Variants in CD5 observed in about 807,000 individuals in gnomAD.
CD5 encodes the protein T-cell surface glycoprotein CD5.
CD5 carries 36 observed loss-of-function variants against 60.3 expected under a neutral mutation model. The observed-to-expected ratio is 0.60, with a 90% CI of 0.46 to 0.79. The LOEUF (loss-of-function observed/expected upper bound fraction) is 0.79, where lower values mean the gene tolerates loss of function less well. CD5 is among the 30% of genes least tolerant of loss of function. The probability of loss-of-function intolerance (pLI) is 0.00; values close to 1 mark genes in which losing one functional copy is unlikely to be tolerated. For synonymous variants in CD5, 230 were observed against 257.6 expected (o/e 0.89, Z 1.03); for missense variants, 540 against 630.6 (o/e 0.86, Z 1.54).
At chr11:61,113,962 G>T (rs1860897538) in intron 1 of CD5, among the ~76,000 whole-genome samples, 1 of 152,204 alleles carries the variant, frequency 6.6e-6, no homozygotes, top group African/African-American at 2.4e-5. Flanking sequence ...GGGCCACCGT[G>T]CCCGGCCCCT....
chr11:61,118,434 C>T lies in CD5; in HGVS notation c.354C>T (p.Ser118=). The T allele has an allele frequency of 1.2e-6, 2 of 1,614,268 alleles. No homozygotes were observed. The highest frequency in any genetic ancestry group is 4.5e-5 in the East Asian group (2 of 44,886). The stretch of plus-strand genomic sequence containing the variant: ...AACTGGGCTCCTTCTCCAACTGCAG[C>T]CACAGCAGAAATGACATGTGTCACT... ...YGQLGSFSNC[S]HSRNDMCHSL... Residue 118 remains serine (S), a synonymous_variant, in exon 3 of 11, where the codon AGC becomes AGT. Coordinates refer to ENST00000347785, the MANE Select transcript of CD5 (RefSeq NM_014207.4). The surrounding 1 kb of genome is among the most constrained non-coding windows in gnomAD (Gnocchi z 4.7).
At chr11:61,123,818 C>CCCCCT in intron 7 of CD5, 66 bp from the exon 8 acceptor site, 1 of 613,786 alleles carries the variant, frequency 1.6e-6, no homozygotes, top group Non-Finnish European at 2.9e-6. Context: ...CCCATCCCCA[C>CCCCCT]CCCTGCCTGC....
At position 61,126,800 on chromosome 11, in the gene CD5, T is replaced by C. The variant is rs900412425; in HGVS notation, c.*515T>C. Reference sequence around the variant, plus strand: ...GACAGGAAGGGGACTCCCGGAGACCTCTGCAGCCGTGGTGGTCAGAGGCTG... The same window carrying C: ...GACAGGAAGGGGACTCCCGGAGACCCCTGCAGCCGTGGTGGTCAGAGGCTG... On this transcript the variant is annotated 3_prime_UTR_variant, in exon 11 of 11. Transcript: ENST00000347785. 1 of 152,242 alleles carries C rather than the reference T, an allele frequency of 6.6e-6. No individual in the cohort carries two copies. Among genetic ancestry groups the C allele is most frequent in the Admixed American group, 6.5e-5 (1 of 15,276 alleles). 9.4% of individuals were successfully genotyped at this position (152,242 alleles called of 1,614,324 possible). A position where few individuals can be genotyped will look rare whatever the true frequency, so the allele number is the denominator to read the frequency against.
chr11:61,123,742 G>A, intron 7 of CD5, 142 bp from the exon 8 acceptor site: 1 of 678,562 alleles, frequency 1.5e-6, no homozygotes, highest in East Asian at 2.7e-5. Flanking sequence ...GAGACTCCAG[G>A]GGGCAGAGCC....
chr11:61,122,756 G>C (rs1373562927), intron 6 of CD5, 151 bp from the exon 7 acceptor site: 7 of 790,056 alleles, frequency 8.9e-6, no homozygotes, highest in South Asian at 4.3e-5. Context: ...TAGATGGAGG[G>C]ATAGCCAAAT....
chr11:61,117,692 T>C lies in CD5; in HGVS notation c.95-483T>C, dbSNP rs540844739. Among the ~76,000 whole-genome samples, 7 of 152,146 alleles carry C rather than the reference T, an allele frequency of 4.6e-5. No homozygotes were observed. The South Asian group carries it at 1.5e-3, about 32-fold the overall frequency. ...TTTTCTTTTTTTAGTAGAGATGGGG[T>C]TTCACCATGTTGGCCAGGCTGGTCT... On this transcript the variant is annotated intron_variant, in intron 2 of 10. Coordinates refer to ENST00000347785, the MANE Select transcript of CD5 (RefSeq NM_014207.4).
chr11:61,123,047 C>T lies in CD5; in HGVS notation c.1225+15C>T, dbSNP rs748167810. 1.9e-6 allele frequency: 3 copies of T among 1,600,076 alleles called. No individual in the cohort carries two copies. Among genetic ancestry groups the T allele is most frequent in the Non-Finnish European group, 2.6e-6 (3 of 1,172,704 alleles). On this transcript the variant is annotated intron_variant, in intron 7 of 10. Coordinates refer to ENST00000347785, the MANE Select transcript of CD5 (RefSeq NM_014207.4). ...AGTGAAGAAATGTAGGTGTCACGGCCCTGAGTGGCTCCGTTCCCACGTGCA... is the reference window on the plus strand; with the variant it reads ...AGTGAAGAAATGTAGGTGTCACGGCTCTGAGTGGCTCCGTTCCCACGTGCA...
intron 10 of CD5, 129 bp from the exon 11 acceptor site, chr11:61,126,159 C>A (rs10897139): frequency 4.6e-6 from 1 of 216,980 alleles, no homozygotes; most frequent in Non-Finnish European, 9.1e-6. Flanking sequence ...TGCCAGCGGG[C>A]AGAAGGAGCC....
upstream of CD5, among the ~76,000 whole-genome samples, chr11:61,100,186 A>ATG (rs1860645835): frequency 6.9e-6 from 1 of 144,394 alleles, no homozygotes; most frequent in Admixed American, 6.9e-5. Context: ...ACACATCAAC[A>ATG]TGGAGATCAC....
chr11:61,121,010 G>A (rs567130036), intron 5 of CD5, among the ~76,000 whole-genome samples: 1 of 152,356 alleles, frequency 6.6e-6, no homozygotes, highest in South Asian at 2.1e-4. Flanking sequence ...CTCAGCTACA[G>A]ACTCCCAGGC....
upstream of CD5, among the ~76,000 whole-genome samples, chr11:61,098,841 A>C (rs1348285289): frequency 6.6e-6 from 1 of 152,202 alleles, no homozygotes; most frequent in Non-Finnish European, 1.5e-5. Context: ...GTCCTGCTAC[A>C]GGTCTAAGTG....
At chr11:61,103,033 C>T (rs773907394) in intron 1 of CD5, among the ~76,000 whole-genome samples, 2 of 152,204 alleles carry the variant, frequency 1.3e-5, no homozygotes, top group Non-Finnish European at 2.9e-5. Flanking sequence ...GGAAACTCGC[C>T]GTCTCCGAGG....
upstream of CD5, among the ~76,000 whole-genome samples, chr11:61,099,806 T>A (rs1860635318): frequency 1.4e-5 from 2 of 139,600 alleles, no homozygotes; most frequent in East Asian, 4.2e-4. Flanking sequence ...CAAATGGGGA[T>A]TACACACACA....
intron 1 of CD5, among the ~76,000 whole-genome samples, chr11:61,111,879 A>G (rs1048662661): frequency 1.3e-5 from 2 of 152,176 alleles, no homozygotes; most frequent in Non-Finnish European, 2.9e-5. Context: ...AGCCCTTTAC[A>G]CCGATTAGCT....
rs1185030064 is a variant in CD5 at position 61,126,300 on chromosome 11, T to C, written c.*15T>C. The C allele has an allele frequency of 1.3e-5, 2 of 153,736 alleles. No homozygotes were observed. Among genetic ancestry groups the C allele is most frequent in the Non-Finnish European group, 2.9e-5 (2 of 69,126 alleles). The allele number at this position is 153,736 out of a possible 1,614,324, so 9.5% of individuals were successfully genotyped here. A position where few individuals can be genotyped will look rare whatever the true frequency, so the allele number is the denominator to read the frequency against. ...TCTCACCCCACAGAACTGGGATCCA[T>C]GAGCAAAAAGCCGAGAGCCAGACCT... On this transcript the variant is annotated 3_prime_UTR_variant, in exon 11 of 11. Transcript: ENST00000347785.
upstream of CD5, among the ~76,000 whole-genome samples, chr11:61,101,915 C>CT (rs1372661484): frequency 2.7e-4 from 24 of 88,464 alleles, no homozygotes; most frequent in African/African-American, 7.9e-4. Flanking sequence ...TCTCTCTACA[C>CT]ACACACACAC....
chr11:61,121,600 TC>T lies in CD5; in HGVS notation c.806-7del, dbSNP rs1179680664. On this transcript the variant is annotated splice_polypyrimidine_tract_variant and intron_variant, in intron 5 of 10. Transcript: ENST00000347785. ...ACTTGCACCCTCCTTTCCCATTGCT[TC>T]CCCTCTCAGGTTTCCAGCCCAAGGT... The T allele has an allele frequency of 6.9e-7, 1 of 1,445,124 alleles. No homozygotes were observed. The highest frequency in any genetic ancestry group is 9.1e-7 in the Non-Finnish European group (1 of 1,095,760). The allele number at this position is 1,445,124 out of a possible 1,614,324, so 89.5% of individuals were successfully genotyped here. A position where few individuals can be genotyped will look rare whatever the true frequency, so the allele number is the denominator to read the frequency against.
At chr11:61,121,137 G>T (rs1423226789) in intron 5 of CD5, among the ~76,000 whole-genome samples, 2 of 152,264 alleles carry the variant, frequency 1.3e-5, no homozygotes, top group Non-Finnish European at 2.9e-5. Flanking sequence ...ACTGTGAACT[G>T]CCAGGACTCA....
intron 1 of CD5, among the ~76,000 whole-genome samples, chr11:61,107,682 ACTT>A (rs1860796191): frequency 6.6e-6 from 1 of 152,166 alleles, no homozygotes; most frequent in African/African-American, 2.4e-5. Flanking sequence ...GGCCTGGATC[ACTT>A]CTTCTATAGC....
Sources: allele counts gnomAD v4.1 joint callset (sites outside exome capture counted in the v4.1 genomes callset), GRCh38; gene constraint gnomAD v4.1.1; non-coding constraint Gnocchi (gnomAD v3.1); transcripts MANE v1.5; gene names NCBI Gene and HGNC (gene_info 2026-07-23, HGNC 2026-07-21).